FOSL2: variants seen among roughly 807,000 people sequenced by gnomAD.
FOSL2 encodes fos-related antigen 2.
In FOSL2, 3 loss-of-function variants were observed where a neutral mutation model predicts 27.7. The observed-to-expected ratio is 0.11, with a 90% confidence interval of 0.05 to 0.28. FOSL2 has a LOEUF of 0.28. Ranked by LOEUF, FOSL2 falls within the 10% of genes least tolerant of loss-of-function variation. The pLI, the probability that FOSL2 is intolerant of heterozygous loss-of-function variation, is 1.00. For missense variants in FOSL2, 333 were observed against 445.1 expected, an observed-to-expected ratio of 0.75 and a Z score of 2.27; for synonymous variants, 179 against 190.1, an observed-to-expected ratio of 0.94 and a Z score of 0.48.
Position 28,416,142 on chromosome 2 carries a change from G to T in FOSL2, c.*3694G>T, listed in dbSNP as rs1424759190. On this transcript the variant is annotated 3_prime_UTR_variant, in exon 4 of 4. Coordinates refer to ENST00000264716, the MANE Select transcript of FOSL2 (RefSeq NM_005253.4). ...GGTTGGGCTGTGTGTGTGCGCATGTGTGTATACATTTCCAGGCGTGCCTGT... is the reference window on the plus strand; with the variant it reads ...GGTTGGGCTGTGTGTGTGCGCATGTTTGTATACATTTCCAGGCGTGCCTGT... 6.6e-6 allele frequency: 1 copy of T among 152,084 alleles called. No homozygotes were observed. Among genetic ancestry groups the T allele is most frequent in the Admixed American group, 6.5e-5 (1 of 15,270 alleles). 9.4% of individuals were successfully genotyped at this position (152,084 alleles called of 1,614,324 possible).
chr2:28,415,687 G>T lies in FOSL2; in HGVS notation c.*3239G>T, dbSNP rs2148106666. The T allele has an allele frequency of 6.6e-6, 1 of 152,326 alleles. No individual in the cohort carries two copies. Among genetic ancestry groups the T allele is most frequent in the East Asian group, 1.9e-4 (1 of 5,186 alleles). 9.4% of individuals were successfully genotyped at this position (152,326 alleles called of 1,614,324 possible). ...TTTGTGCCCCCTTTAGGAAGGAAAA[G>T]AATACACCTACGATGTGCCAGGCAC... On this transcript the variant is annotated 3_prime_UTR_variant, in exon 4 of 4. Coordinates refer to ENST00000264716, the MANE Select transcript of FOSL2 (RefSeq NM_005253.4).
At chr2:28,401,539 C>T (rs562300403) in intron 1 of FOSL2, among the ~76,000 whole-genome samples, 12 of 152,192 alleles carry the variant, frequency 7.9e-5, no homozygotes, top group African/African-American at 1.9e-4. Context: ...TGCCTCCTGA[C>T]CCCGAGTGCA....
chr2:28,412,118 C>T lies in FOSL2; in HGVS notation c.651C>T (p.Gly217=), dbSNP rs142100731. The T allele has an allele frequency of 3.6e-5, 57 of 1,605,580 alleles. No individual in the cohort carries two copies. The highest frequency in any genetic ancestry group is 1.6e-4 in the African/African-American group (12 of 74,784). ...QPMRSGGGSV[G]AVVVKQEPLE... The stretch of plus-strand genomic sequence containing the variant: ...TGCGCAGTGGGGGTGGCTCGGTGGG[C>T]GCTGTAGTGGTGAAACAGGAGCCCC... Residue 217 remains glycine, a synonymous_variant, in exon 4 of 4, where the codon GGC becomes GGT. Transcript: ENST00000264716. The surrounding 1 kb of genome is among the most constrained non-coding windows in gnomAD (Gnocchi z 7.1).
Position 28,392,935 on chromosome 2 carries a change from A to G in FOSL2, c.-786A>G, listed in dbSNP as rs1034080808. ...AGCGAACGAGCGGCGCTCGGCGGGGACAGAAAGAGGGAGAGAGAGAGAGAG... is the reference window on the plus strand; with the variant it reads ...AGCGAACGAGCGGCGCTCGGCGGGGGCAGAAAGAGGGAGAGAGAGAGAGAG... On this transcript the variant is annotated 5_prime_UTR_variant, in exon 1 of 4. Transcript: ENST00000264716. 1 of 707,710 alleles carries G rather than the reference A, an allele frequency of 1.4e-6. No homozygotes were observed. Among genetic ancestry groups the G allele is most frequent in the Non-Finnish European group, 2.6e-6 (1 of 379,956 alleles). 43.8% of individuals were successfully genotyped at this position (707,710 alleles called of 1,614,324 possible). A position where few individuals can be genotyped will look rare whatever the true frequency, so the allele number is the denominator to read the frequency against.
chr2:28,403,063 A>C (rs1418453853), intron 1 of FOSL2, among the ~76,000 whole-genome samples: 1 of 152,186 alleles, frequency 6.6e-6, no homozygotes, highest in Admixed American at 6.5e-5. Flanking sequence ...TTATGTGGAC[A>C]CAGGAGTCAT....
chr2:28,396,917 C>T (rs996709514), intron 1 of FOSL2: 1 of 151,720 alleles, frequency 6.6e-6, no homozygotes, highest in Non-Finnish European at 1.5e-5. Context: ...CCAGAAATGA[C>T]TGTGATTCCC....
chr2:28,409,942 T>C (rs1345718753), intron 3 of FOSL2, among the ~76,000 whole-genome samples: 2 of 152,176 alleles, frequency 1.3e-5, no homozygotes, highest in Non-Finnish European at 2.9e-5. Context: ...GGTTTCACCA[T>C]GTTGGCTAGG....
At chr2:28,395,578 A>G (rs973983539) in intron 1 of FOSL2, 1 of 152,272 alleles carries the variant, frequency 6.6e-6, no homozygotes, top group African/African-American at 2.4e-5. Context: ...GCTAGGAAGA[A>G]GGAAGAGAAC....
chr2:28,412,286 C>A lies in FOSL2; in HGVS notation c.819C>A (p.Val273=). The change falls in exon 4 of 4, where the codon GTC becomes GTA. Residue 273 remains valine (V), a synonymous_variant. Coordinates refer to ENST00000264716, the MANE Select transcript of FOSL2 (RefSeq NM_005253.4). This position sits in a 1 kb window ranked among gnomAD's most constrained non-coding sequence, Gnocchi z 7.1. ...TPIVVTSTPA[V]TPGTSNLVFT... Reference sequence around the variant, plus strand: ...TCGTGGTGACCTCCACACCTGCTGTCACTCCGGGCACCTCGAACCTCGTCT... The same window carrying A: ...TCGTGGTGACCTCCACACCTGCTGTAACTCCGGGCACCTCGAACCTCGTCT... 1 of 1,614,114 alleles carries A rather than the reference C, an allele frequency of 6.2e-7. No individual in the cohort carries two copies. Among genetic ancestry groups the A allele is most frequent in the Non-Finnish European group, 8.5e-7 (1 of 1,180,012 alleles).
At chr2:28,399,780 G>A (rs1238938623) in intron 1 of FOSL2, among the ~76,000 whole-genome samples, 1 of 152,210 alleles carries the variant, frequency 6.6e-6, no homozygotes, top group Non-Finnish European at 1.5e-5. Flanking sequence ...CTCTGGGACA[G>A]GGGTTGGCAA....
rs1034117709 is a variant in FOSL2, at chr2:28,413,067, A to G, written c.*619A>G. ...TTCCCTACCCTGACGCCTCCCAGTC[A>G]TCATCTCCAGAACTCCCAGCGGGGC... is the stretch of plus-strand genomic sequence containing the variant. On this transcript the variant is annotated 3_prime_UTR_variant, in exon 4 of 4. Transcript: ENST00000264716. 7 of 164,166 alleles carry G rather than the reference A, an allele frequency of 4.3e-5. No homozygotes were observed. The highest frequency in any genetic ancestry group is 9.1e-5 in the Non-Finnish European group (7 of 76,682). The allele number at this position is 164,166 out of a possible 1,614,324, so 10.2% of individuals were successfully genotyped here.
Position 28,413,012 on chromosome 2 carries a change from C to G in FOSL2, c.*564C>G, listed in dbSNP as rs1664234875. 2 of 160,628 alleles carry G rather than the reference C, an allele frequency of 1.2e-5. No individual in the cohort carries two copies. Among genetic ancestry groups the G allele is most frequent in the South Asian group, 3.9e-4 (2 of 5,096 alleles). 10.0% of individuals were successfully genotyped at this position (160,628 alleles called of 1,614,324 possible). Reference sequence around the variant, plus strand: ...GGCTCTTCTGCTGGGGCTGACTTGTCCAGAAGGGGACAAAGTGCAATACAG... The same window carrying G: ...GGCTCTTCTGCTGGGGCTGACTTGTGCAGAAGGGGACAAAGTGCAATACAG... On this transcript the variant is annotated 3_prime_UTR_variant, in exon 4 of 4. Coordinates refer to ENST00000264716, the MANE Select transcript of FOSL2 (RefSeq NM_005253.4).
intron 1 of FOSL2, among the ~76,000 whole-genome samples, chr2:28,402,920 C>G: frequency 6.6e-6 from 1 of 152,224 alleles, no homozygotes; most frequent in Non-Finnish European, 1.5e-5. Flanking sequence ...GTTCTTCACT[C>G]AGAGAGAGAA....
chr2:28,412,372 A>G lies in FOSL2; in HGVS notation c.905A>G (p.Lys302Arg). The change falls in exon 4 of 4, where the codon AAG becomes AGG. Residue 302 changes from lysine (K) to arginine (R), a missense_variant. Lys to Arg is a conservative substitution (Grantham distance 26). This residue lies in a region of FOSL2 where 26 missense variants were observed against 59.3 expected (regional missense o/e 0.44). Transcript: ENST00000264716. The surrounding 1 kb of genome is among the most constrained non-coding windows in gnomAD (Gnocchi z 7.1). ...GCATCTCCCTCCGAATCCTGCTCCA[A>G]GGCTCACCGCAGAAGCAGTAGCAGC... ...SPASPSESCS[K>R]AHRRSSSSGD... 4 of 1,610,464 alleles carry G rather than the reference A, an allele frequency of 2.5e-6. No individual in the cohort carries two copies. The highest frequency in any genetic ancestry group is 3.4e-6 in the Non-Finnish European group (4 of 1,179,954).
At position 28,412,068 on chromosome 2, in the gene FOSL2, C is replaced by A. The variant is rs1308604850; in HGVS notation, c.601C>A (p.Pro201Thr). ...GATTAGCCCCGAGGAGCGCCGATCGCCCCCAGCCCCTGGGCTGCAGCCCAT... is the reference window on the plus strand; with the variant it reads ...GATTAGCCCCGAGGAGCGCCGATCGACCCCAGCCCCTGGGCTGCAGCCCAT... ...CKISPEERRSPPAPGLQPMRS... is the reference protein window; with the variant it reads ...CKISPEERRSTPAPGLQPMRS... Residue 201 changes from proline (P) to threonine (T), a missense_variant, in exon 4 of 4, where the codon CCC (proline) becomes ACC (threonine). Pro to Thr is a conservative substitution (Grantham distance 38, BLOSUM62 -1). Coordinates refer to ENST00000264716, the MANE Select transcript of FOSL2 (RefSeq NM_005253.4). The surrounding 1 kb of genome is among the most constrained non-coding windows in gnomAD (Gnocchi z 7.1). The A allele has an allele frequency of 1.2e-5, 19 of 1,607,338 alleles. No homozygotes were observed. Among genetic ancestry groups the A allele is most frequent in the Non-Finnish European group, 1.5e-5 (18 of 1,179,890 alleles).
In FOSL2 at chr2:28,413,908, G is replaced by C. The variant is rs1165586842; in HGVS notation, c.*1460G>C. The C allele has an allele frequency of 7.5e-6, 3 of 398,308 alleles. No individual in the cohort carries two copies. Among genetic ancestry groups the C allele is most frequent in the Non-Finnish European group, 1.3e-5 (3 of 226,108 alleles). 24.7% of individuals were successfully genotyped at this position (398,308 alleles called of 1,614,324 possible). ...GGATGTTTTGCTTCCCACTGCAGGAGAGCTGCCCCCTTTCACGGGGTTGGG... is the reference window on the plus strand; with the variant it reads ...GGATGTTTTGCTTCCCACTGCAGGACAGCTGCCCCCTTTCACGGGGTTGGG... On this transcript the variant is annotated 3_prime_UTR_variant, in exon 4 of 4. Coordinates refer to ENST00000264716, the MANE Select transcript of FOSL2 (RefSeq NM_005253.4).
rs528652702 is a variant in FOSL2 at position 28,400,728 on chromosome 2, C to T, written c.103-3379C>T. On this transcript the variant is annotated intron_variant, in intron 1 of 3. Transcript: ENST00000264716. ...CTGTCTTGTTTTGTCTAGACCAAGC[C>T]ATTGCTGCGAGGAATCTGGCTGATG... Among the ~76,000 whole-genome samples, 4 of 152,312 alleles carry T rather than the reference C, an allele frequency of 2.6e-5. No homozygotes were observed. The South Asian group carries it at 6.2e-4, about 24-fold the overall frequency.
chr2:28,412,495 C>T lies in FOSL2; in HGVS notation c.*47C>T. ...GCTCCGGAGGGGGTCCTCCTCGCTCCTCCTTCCCAGGGACCAGCACCTTCA... is the reference window on the plus strand; with the variant it reads ...GCTCCGGAGGGGGTCCTCCTCGCTCTTCCTTCCCAGGGACCAGCACCTTCA... On this transcript the variant is annotated 3_prime_UTR_variant, in exon 4 of 4. Transcript: ENST00000264716. The surrounding 1 kb of genome is among the most constrained non-coding windows in gnomAD (Gnocchi z 7.1). 6.4e-7 allele frequency: 1 copy of T among 1,570,202 alleles called. No homozygotes were observed. The highest frequency in any genetic ancestry group is 8.6e-7 in the Non-Finnish European group (1 of 1,162,054).
chr2:28,409,189 G>A (rs2148095439), intron 3 of FOSL2, among the ~76,000 whole-genome samples: 1 of 152,186 alleles, frequency 6.6e-6, no homozygotes, highest in South Asian at 2.1e-4. Flanking sequence ...CCTGGGTGAG[G>A]GATGATGGAG....
Sources: gnomAD v4.1 joint callset for allele counts (sites outside exome capture counted in the v4.1 genomes callset) on GRCh38, gnomAD v4.1.1 for gene constraint, gnomAD v4.1.1 regional missense constraint, Gnocchi (gnomAD v3.1) non-coding constraint, MANE v1.5 for transcripts, NCBI Gene and HGNC (gene_info 2026-07-23, HGNC 2026-07-21) for gene names.